The following KRABD5 variants were observed in gnomAD, a reference collection of about 807,000 sequenced individuals.
The protein encoded by KRABD5 is KRAB domain-containing protein 5.
the KRABD5 span, among the ~76,000 whole-genome samples, chr16:31,742,323 C>G: frequency 6.6e-6 from 1 of 152,082 alleles, no homozygotes; most frequent in Non-Finnish European, 1.5e-5. Flanking sequence ...CACCCAGCCC[C>G]CACCAGGCCC....
chr16:31,728,404 T>G, the KRABD5 span, among the ~76,000 whole-genome samples: 2 of 152,124 alleles, frequency 1.3e-5, no homozygotes, highest in Non-Finnish European at 1.5e-5. Context: ...AACATCTTTT[T>G]TTTTCTTAAT....
At chr16:31,725,319 T>C in the KRABD5 span, among the ~76,000 whole-genome samples, 2 of 152,168 alleles carry the variant, frequency 1.3e-5, no homozygotes, top group Non-Finnish European at 2.9e-5. Flanking sequence ...GGTTTCGCCA[T>C]GTTGGCCAGG....
At chr16:31,716,726 C>T in the KRABD5 span, among the ~76,000 whole-genome samples, 24 of 152,170 alleles carry the variant, frequency 1.6e-4, no homozygotes, top group Admixed American at 8.5e-4. Context: ...GGCAAATCCT[C>T]AGGTGCCTGA....
the KRABD5 span, chr16:31,753,681 G>C: frequency 1.6e-6 from 2 of 1,260,516 alleles, no homozygotes; most frequent in Non-Finnish European, 2.1e-6. Flanking sequence ...TGTTCTCAAC[G>C]TGATATAATT....
the KRABD5 span, among the ~76,000 whole-genome samples, chr16:31,725,627 T>C: frequency 2.0e-5 from 3 of 152,250 alleles, no homozygotes; most frequent in Admixed American, 1.3e-4. Context: ...ATTCTAACGG[T>C]ATGAGGTGAT....
the KRABD5 span, among the ~76,000 whole-genome samples, chr16:31,735,352 T>C: frequency 1.3e-5 from 2 of 152,212 alleles, no homozygotes; most frequent in Non-Finnish European, 2.9e-5. Context: ...TTGGCTGTTA[T>C]AAAGAGTGCT....
chr16:31,736,767 G>T, the KRABD5 span, among the ~76,000 whole-genome samples: 231 of 152,018 alleles, frequency 1.5e-3, 4 homozygotes, highest in East Asian at 0.034. Flanking sequence ...TGATCCACCC[G>T]TCTCAGCTTC....
At chr16:31,759,573 G>A in the KRABD5 span, 5 of 694,762 alleles carry the variant, frequency 7.2e-6, no homozygotes, top group Non-Finnish European at 1.3e-5. Flanking sequence ...AATTAAATGG[G>A]TGGGGGTAGG....
the KRABD5 span, chr16:31,760,885 A>G: frequency 6.6e-6 from 1 of 152,140 alleles, no homozygotes; most frequent in Admixed American, 6.6e-5. Context: ...TTCTCAAATT[A>G]TTTGAAGACC....
At chr16:31,748,338 C>T in the KRABD5 span, among the ~76,000 whole-genome samples, 1 of 152,136 alleles carries the variant, frequency 6.6e-6, no homozygotes, top group East Asian at 1.9e-4. Context: ...CTGTTCTGTT[C>T]CATTGGTCTA....
chr16:31,729,694 A>G, the KRABD5 span, among the ~76,000 whole-genome samples: 1 of 151,868 alleles, frequency 6.6e-6, no homozygotes, highest in African/African-American at 2.4e-5. Flanking sequence ...TTTGTTTTCT[A>G]TTTTATACTT....
the KRABD5 span, among the ~76,000 whole-genome samples, chr16:31,719,548 C>T: frequency 5.9e-5 from 9 of 152,156 alleles, no homozygotes; most frequent in African/African-American, 2.2e-4. Context: ...GATGGGAAGC[C>T]TAGGGCCTGA....
At chr16:31,741,144 TA>T in the KRABD5 span, among the ~76,000 whole-genome samples, 445 of 152,306 alleles carry the variant, frequency 2.9e-3, 2 homozygotes, top group African/African-American at 0.01. Context: ...GACATGATTT[TA>T]TTTTTTTTAT....
the KRABD5 span, among the ~76,000 whole-genome samples, chr16:31,733,111 A>G: frequency 6.6e-6 from 1 of 152,116 alleles, no homozygotes; most frequent in Non-Finnish European, 1.5e-5. Context: ...CTTTAAGACA[A>G]TATGATGTTT....
the KRABD5 span, chr16:31,714,305 G>A: frequency 6.6e-6 from 3 of 455,006 alleles, no homozygotes; most frequent in Non-Finnish European, 1.3e-5. Context: ...GTGCCTTACA[G>A]TTTCCTTCCT....
At chr16:31,719,555 C>T in the KRABD5 span, among the ~76,000 whole-genome samples, 836 of 152,316 alleles carry the variant, frequency 5.5e-3, 8 homozygotes, top group African/African-American at 0.019. Flanking sequence ...AGCCTAGGGC[C>T]TGACCCGTGT....
chr16:31,716,117 C>T, the KRABD5 span, among the ~76,000 whole-genome samples: 2 of 152,162 alleles, frequency 1.3e-5, no homozygotes, highest in Admixed American at 1.3e-4. Flanking sequence ...CTAGAGTTTC[C>T]TGCCAAAATT....
At chr16:31,731,154 C>T in the KRABD5 span, among the ~76,000 whole-genome samples, 3 of 152,154 alleles carry the variant, frequency 2.0e-5, no homozygotes, top group Non-Finnish European at 4.4e-5. Context: ...AAGGAGCAAA[C>T]CTCTCTTCCA....
At chr16:31,722,560 T>G in the KRABD5 span, 7 of 1,573,954 alleles carry the variant, frequency 4.4e-6, no homozygotes, top group African/African-American at 4.2e-5. Flanking sequence ...TATTTCATCT[T>G]GGTTTGTCAA....
Sources: gnomAD v4.1 joint callset for allele counts (sites outside exome capture counted in the v4.1 genomes callset) on GRCh38, gnomAD v4.1.1 for gene constraint, MANE v1.5 for transcripts, NCBI Gene and HGNC (gene_info 2026-07-23, HGNC 2026-07-21) for gene names.